Variants in CNGB3 observed in about 807,000 individuals in gnomAD.
The protein encoded by CNGB3 is cyclic nucleotide gated channel subunit beta 3.
In CNGB3, 86 loss-of-function variants were observed where a neutral mutation model predicts 92.8. The ratio of observed to expected loss-of-function variants is 0.93; its 90% confidence interval spans 0.78 to 1.11. CNGB3 has a LOEUF of 1.11. Among genes scored for constraint, CNGB3 ranks in the 50% least tolerant of loss-of-function variants. The pLI is 0.00. For synonymous variants in CNGB3, 333 were observed against 332.7 expected (o/e 1.00, Z -0.01); for missense variants, 1,026 against 956.8 (o/e 1.07, Z -0.95).
chr8:86,697,370 A>G (rs900509072), intron 3 of CNGB3, among the ~76,000 whole-genome samples: 1 of 152,236 alleles, frequency 6.6e-6, no homozygotes, highest in Non-Finnish European at 1.5e-5. Flanking sequence ...TGATCTTCAC[A>G]ATACAAAATA....
intron 4 of CNGB3, 78 bp from the exon 5 acceptor site, chr8:86,668,246 A>G: frequency 6.9e-7 from 1 of 1,453,292 alleles, no homozygotes; most frequent in Non-Finnish European, 9.5e-7. Context: ...TTTCTTAACC[A>G]AACACCGCAT....
chr8:86,668,154 C>T lies in CNGB3; in HGVS notation c.508G>A (p.Val170Ile), dbSNP rs766148720. ...TCATCGCTTTCTTTTACTGGTGGTA[C>T]AGCCGTGGGCTTTGCTTCATAGGGA... ...ASPQTAKPTAVPPVKESDDKP... is the reference protein window; with the variant it reads ...ASPQTAKPTAIPPVKESDDKP... The change falls in exon 5 of 18, where the codon GTA becomes ATA. Residue 170 changes from valine (V) to isoleucine (I), a missense_variant. Transcript: ENST00000320005. The T allele has an allele frequency of 6.2e-6, 10 of 1,611,726 alleles. No individual in the cohort carries two copies. Among genetic ancestry groups the T allele is most frequent in the Non-Finnish European group, 8.5e-6 (10 of 1,179,538 alleles).
intron 15 of CNGB3, among the ~76,000 whole-genome samples, chr8:86,591,599 G>T (rs553357418): frequency 6.6e-6 from 1 of 151,864 alleles, no homozygotes; most frequent in Non-Finnish European, 1.5e-5. Context: ...GTACCCTGCC[G>T]TGTGAGGTGT....
chr8:86,727,754 G>T (rs1825086238), intron 2 of CNGB3, among the ~76,000 whole-genome samples: 1 of 152,028 alleles, frequency 6.6e-6, no homozygotes, highest in Non-Finnish European at 1.5e-5. Context: ...TTTTTAATTG[G>T]ATGTCTTGTG....
intron 2 of CNGB3, among the ~76,000 whole-genome samples, chr8:86,730,794 T>C (rs1825143156): frequency 6.6e-6 from 1 of 152,224 alleles, no homozygotes; most frequent in Non-Finnish European, 1.5e-5. Flanking sequence ...CACTTGAAAT[T>C]TTATTGTATC....
chr8:86,616,415 T>C (rs1822624165), intron 13 of CNGB3, among the ~76,000 whole-genome samples: 1 of 152,220 alleles, frequency 6.6e-6, no homozygotes, highest in Admixed American at 6.5e-5. Flanking sequence ...CATTATGATG[T>C]CATTATATTT....
chr8:86,621,437 G>A (rs1822724659), intron 13 of CNGB3, among the ~76,000 whole-genome samples: 1 of 152,034 alleles, frequency 6.6e-6, no homozygotes, highest in South Asian at 2.1e-4. Context: ...GAGGCAGTCT[G>A]CTATTTTGTT....
chr8:86,644,646 A>T lies in CNGB3; in HGVS notation c.1031T>A (p.Ile344Lys), dbSNP rs143542885. 2.5e-6 allele frequency: 4 copies of T among 1,599,614 alleles called. No individual in the cohort carries two copies. Among genetic ancestry groups the T allele is most frequent in the Non-Finnish European group, 3.4e-6 (4 of 1,170,452 alleles). Residue 344 changes from isoleucine (I) to lysine (K), a missense_variant, in exon 9 of 18, where the codon ATA becomes AAA. Coordinates refer to ENST00000320005, the MANE Select transcript of CNGB3 (RefSeq NM_019098.5). ...CCTGTAGATATATGCTTTGTCCATT[A>T]TAGACTCTAGGTGATGATTAAATTC... ...FFEFNHHLES[I>K]MDKAYIYRVI...
At chr8:86,735,273 G>C (rs1218979874) in intron 2 of CNGB3, among the ~76,000 whole-genome samples, 2 of 150,542 alleles carry the variant, frequency 1.3e-5, no homozygotes, top group African/African-American at 4.9e-5. Flanking sequence ...CTCCCGAGTA[G>C]CTGGGACTAC....
chr8:86,647,000 C>T (rs1823302166), intron 8 of CNGB3, among the ~76,000 whole-genome samples: 1 of 151,066 alleles, frequency 6.6e-6, no homozygotes, highest in Non-Finnish European at 1.5e-5. Flanking sequence ...CAGGTAACCA[C>T]TTTGATGAGT....
intron 3 of CNGB3, among the ~76,000 whole-genome samples, chr8:86,725,747 G>A (rs1373531056): frequency 2.0e-5 from 3 of 152,126 alleles, no homozygotes; most frequent in African/African-American, 7.2e-5. Flanking sequence ...GGCGGGGTAG[G>A]GTGGAGTGGG....
At chr8:86,633,390 A>G (rs1252586502) in intron 10 of CNGB3, among the ~76,000 whole-genome samples, 3 of 152,104 alleles carry the variant, frequency 2.0e-5, no homozygotes, top group Non-Finnish European at 1.5e-5. Context: ...CACATGTCTG[A>G]TCCTGAGCTG....
intron 9 of CNGB3, 95 bp from the exon 10 acceptor site, chr8:86,643,968 C>G (rs1823243609): frequency 7.2e-7 from 1 of 1,382,198 alleles, no homozygotes; most frequent in African/African-American, 1.4e-5. Context: ...CCAGCGAACC[C>G]CTTGCTTTGG....
chr8:86,589,869 G>C (rs1208693754), intron 15 of CNGB3, among the ~76,000 whole-genome samples: 1 of 151,970 alleles, frequency 6.6e-6, no homozygotes, highest in East Asian at 1.9e-4. Flanking sequence ...TTGGTGCAGA[G>C]CTGAGTTCAA....
intron 3 of CNGB3, among the ~76,000 whole-genome samples, chr8:86,711,644 A>G (rs1176421013): frequency 6.6e-6 from 1 of 152,042 alleles, no homozygotes; most frequent in Non-Finnish European, 1.5e-5. Flanking sequence ...GCACACACTC[A>G]TAAAATTTTT....
At chr8:86,579,628 G>C (rs769729049) in intron 15 of CNGB3, among the ~76,000 whole-genome samples, 14 of 152,190 alleles carry the variant, frequency 9.2e-5, no homozygotes, top group Admixed American at 6.5e-5. Context: ...GCTGACCTCT[G>C]TAGGCTTGCC....
intron 10 of CNGB3, among the ~76,000 whole-genome samples, chr8:86,636,826 G>A (rs1191925171): frequency 1.3e-5 from 2 of 151,988 alleles, no homozygotes; most frequent in Admixed American, 1.3e-4. Flanking sequence ...CCACATACAA[G>A]TGAGGTCATA....
At chr8:86,605,364 T>A (rs1563724167) in intron 14 of CNGB3, among the ~76,000 whole-genome samples, 2 of 152,134 alleles carry the variant, frequency 1.3e-5, no homozygotes, top group East Asian at 3.9e-4. Flanking sequence ...GCTGTTAAAC[T>A]CTAAATAGGC....
rs138086204 is a variant in CNGB3 at position 86,677,640 on chromosome 8, T to C, written c.339-6542A>G. Reference sequence around the variant, plus strand: ...TAGCATAAGAAAAGGAACTGAGAAGTAGCAATTAGAGAGACAGATCTAAAA... The same window carrying C: ...TAGCATAAGAAAAGGAACTGAGAAGCAGCAATTAGAGAGACAGATCTAAAA... On this transcript the variant is annotated intron_variant, in intron 3 of 17. Transcript: ENST00000320005. 5.9e-5 allele frequency among the ~76,000 whole-genome samples: 9 copies of C among 152,056 alleles called. No individual in the cohort carries two copies. The South Asian group carries it at 6.2e-4, about 11-fold the overall frequency.
Sources: allele counts gnomAD v4.1 joint callset (sites outside exome capture counted in the v4.1 genomes callset), GRCh38; gene constraint gnomAD v4.1.1; transcripts MANE v1.5; gene names NCBI Gene and HGNC (gene_info 2026-07-23, HGNC 2026-07-21).